Variants in MTBP observed in about 807,000 individuals in gnomAD.
MTBP encodes mdm2-binding protein.
A neutral mutation model predicts 117.0 loss-of-function variants in MTBP; 101 were observed. The ratio of observed to expected loss-of-function variants is 0.86; its 90% CI spans 0.73 to 1.02. The LOEUF (loss-of-function observed/expected upper bound fraction) is 1.02. Ranked by LOEUF, MTBP falls within the 50% of genes least tolerant of loss-of-function variation. The probability of loss-of-function intolerance (pLI) is 0.00; values close to 1 mark genes in which losing one functional copy is unlikely to be tolerated. For missense variants in MTBP, 970 were observed against 1,030.9 expected, an observed-to-expected ratio of 0.94 and a Z score of 0.81; for synonymous variants, 350 against 351.5, an observed-to-expected ratio of 1.00 and a Z score of 0.05.
At chr8:120,486,079 A>C (rs758512293) in intron 11 of MTBP, among the ~76,000 whole-genome samples, 2 of 152,048 alleles carry the variant, frequency 1.3e-5, no homozygotes, top group Non-Finnish European at 2.9e-5. Flanking sequence ...AATTTGATTC[A>C]TTTTTGTGGC....
intron 9 of MTBP, 21 bp downstream of exon 9, chr8:120,461,276 T>C: frequency 6.8e-7 from 1 of 1,463,218 alleles, no homozygotes; most frequent in Non-Finnish European, 9.6e-7. Flanking sequence ...ATTTACATGT[T>C]CATTTTAGAT....
At chr8:120,470,771 G>T (rs751122078) in intron 10 of MTBP, 49 bp from the exon 11 acceptor site, 2 of 1,347,428 alleles carry the variant, frequency 1.5e-6, no homozygotes, top group Non-Finnish European at 2.1e-6. Flanking sequence ...CACTATTCAA[G>T]AATGAATCTC....
At chr8:120,473,503 A>G (rs555296534) in intron 11 of MTBP, 5 of 152,178 alleles carry the variant, frequency 3.3e-5, no homozygotes, top group Non-Finnish European at 7.3e-5. Context: ...TGTGAAATTT[A>G]TACTCAAGTG....
Position 120,488,196 on chromosome 8 carries a change from T to C in MTBP, c.1203T>C (p.Tyr401=). 6.3e-7 allele frequency: 1 copy of C among 1,592,382 alleles called. No homozygotes were observed. The highest frequency in any genetic ancestry group is 2.3e-5 in the East Asian group (1 of 43,364). Reference sequence around the variant, plus strand: ...AAGTGAAAGGAGAGTGTTCTAGCTATTATCTCTTGTTACAAGGTAATGGCA... The same window carrying C: ...AAGTGAAAGGAGAGTGTTCTAGCTACTATCTCTTGTTACAAGGTAATGGCA... The part of the protein sequence containing the change: ...DVEVKGECSS[Y]YLLLQGNGNR... The change falls in exon 12 of 22, where the codon TAT becomes TAC. Residue 401 remains tyrosine (Y), a synonymous_variant. Coordinates refer to ENST00000305949, the MANE Select transcript of MTBP (RefSeq NM_022045.5).
chr8:120,523,306 C>G lies in MTBP; in HGVS notation c.2685C>G (p.Asp895Glu), dbSNP rs1815035704. Reference sequence around the variant, plus strand: ...ATTTTTTCTCCCCCTAGGTGATTGACTGGGTATTAGAAAAGACAAGCAAGA... The same window carrying G: ...ATTTTTTCTCCCCCTAGGTGATTGAGTGGGTATTAGAAAAGACAAGCAAGA... ...TANNNAVQVI[D>E]WVLEKTSKK The change falls in exon 22 of 22, where the codon GAC (aspartate) becomes GAG (glutamate). Residue 895 changes from aspartate to glutamate, a missense_variant. Asp to Glu is a conservative substitution (Grantham distance 45, BLOSUM62 2). Transcript: ENST00000305949. 1 of 1,554,014 alleles carries G rather than the reference C, an allele frequency of 6.4e-7. No individual in the cohort carries two copies. The highest frequency in any genetic ancestry group is 8.8e-7 in the Non-Finnish European group (1 of 1,142,296).
intron 12 of MTBP, 132 bp from the exon 13 acceptor site, chr8:120,490,331 G>C: frequency 1.7e-6 from 1 of 601,066 alleles, no homozygotes; most frequent in Non-Finnish European, 2.9e-6. Context: ...AAATATGTAA[G>C]GTCGAGAGAG....
At chr8:120,496,046 G>A (rs929100063) in intron 13 of MTBP, among the ~76,000 whole-genome samples, 1 of 152,176 alleles carries the variant, frequency 6.6e-6, no homozygotes, top group Non-Finnish European at 1.5e-5. Flanking sequence ...CTGTACTAAA[G>A]GATATGGCTT....
chr8:120,506,776 T>C lies in MTBP; in HGVS notation c.1798T>C (p.Leu600=), dbSNP rs1296103723. The C allele has an allele frequency of 6.2e-7, 1 of 1,613,474 alleles. No individual in the cohort carries two copies. Among genetic ancestry groups the C allele is most frequent in the African/African-American group, 1.3e-5 (1 of 74,888 alleles). Residue 600 remains leucine, a synonymous_variant, in exon 16 of 22, where the codon TTG becomes CTG. Transcript: ENST00000305949. ...HKEGPRDSIT[L]LDAKELLKYF... ...AGAGGGTCCTCGGGACTCAATCACA[T>C]TGTTGGATGCTAAAGAATTGCTGAA...
At chr8:120,500,441 T>C (rs1355060825) in intron 14 of MTBP, among the ~76,000 whole-genome samples, 2 of 152,206 alleles carry the variant, frequency 1.3e-5, no homozygotes, top group African/African-American at 2.4e-5. Flanking sequence ...TTTACTGTTA[T>C]TTAAGATTGC....
At chr8:120,482,856 C>A (rs770632811) in intron 11 of MTBP, among the ~76,000 whole-genome samples, 1 of 151,874 alleles carries the variant, frequency 6.6e-6, no homozygotes, top group Non-Finnish European at 1.5e-5. Context: ...CATGCCACCA[C>A]GCCCAGCTAA....
chr8:120,500,598 C>T (rs1348031102), intron 14 of MTBP, among the ~76,000 whole-genome samples: 1 of 152,104 alleles, frequency 6.6e-6, no homozygotes, highest in East Asian at 1.9e-4. Flanking sequence ...AGCATTTCAC[C>T]ACCTTTACTA....
At chr8:120,488,371 G>A (rs745910244) in intron 12 of MTBP, 39 bp downstream of exon 12, 2 of 1,431,564 alleles carry the variant, frequency 1.4e-6, no homozygotes, top group African/African-American at 1.5e-5. Flanking sequence ...TGTTTACATT[G>A]TTTGTGTGTG....
At position 120,523,101 on chromosome 8, in the gene MTBP, A is replaced by G. The variant is rs577594932; in HGVS notation, c.2677-197A>G. Among the ~76,000 whole-genome samples the G allele has an allele frequency of 7.9e-5, 12 of 152,304 alleles. No individual in the cohort carries two copies. The East Asian group carries it at 2.3e-3, about 29-fold the overall frequency. On this transcript the variant is annotated intron_variant, in intron 21 of 21. Coordinates refer to ENST00000305949, the MANE Select transcript of MTBP (RefSeq NM_022045.5). ...CTTCATTTCATCCAGTGAGAACATT[A>G]TTGTACTCAGTATTGGAAGTCCAAC...
At chr8:120,464,560 A>G (rs1283209731) in intron 10 of MTBP, among the ~76,000 whole-genome samples, 1 of 152,028 alleles carries the variant, frequency 6.6e-6, no homozygotes, top group Non-Finnish European at 1.5e-5. Flanking sequence ...TATGGTGCTA[A>G]AATCAAGTCT....
intron 10 of MTBP, among the ~76,000 whole-genome samples, chr8:120,466,869 G>A (rs963300299): frequency 4.6e-5 from 7 of 152,050 alleles, no homozygotes; most frequent in East Asian, 3.9e-4. Flanking sequence ...GCGAGACTCC[G>A]TCTCAAAAAA....
chr8:120,479,521 A>G (rs1224651308), intron 11 of MTBP, among the ~76,000 whole-genome samples: 1 of 152,216 alleles, frequency 6.6e-6, no homozygotes, highest in Non-Finnish European at 1.5e-5. Context: ...TTTATTGTAC[A>G]CTTAACTTTA....
intron 10 of MTBP, among the ~76,000 whole-genome samples, chr8:120,465,694 C>T (rs1297062165): frequency 7.5e-6 from 1 of 133,426 alleles, no homozygotes; most frequent in African/African-American, 2.9e-5. Flanking sequence ...GAGTCTCGCT[C>T]TGTCACCCAG....
intron 14 of MTBP, among the ~76,000 whole-genome samples, chr8:120,500,556 AT>A (rs771308366): frequency 6.6e-6 from 1 of 152,202 alleles, no homozygotes; most frequent in East Asian, 1.9e-4. Flanking sequence ...GCAGCATGTT[AT>A]TTTATTATAA....
In MTBP at chr8:120,455,532, A is replaced by G. The variant is rs1244729136; in HGVS notation, c.582A>G (p.Arg194=). Residue 194 remains arginine (R), a synonymous_variant, in exon 6 of 22, where the codon AGA becomes AGG. Transcript: ENST00000305949. The stretch of plus-strand genomic sequence containing the variant: ...CTGTAGGAGCATTAAAACATTTGAG[A>G]GAATGGTATTCAGCAAAGATCACTA... ...LPTVGALKHL[R]EWYSAKITIA... The G allele has an allele frequency of 6.2e-7, 1 of 1,609,874 alleles. No homozygotes were observed. Among genetic ancestry groups the G allele is most frequent in the East Asian group, 2.2e-5 (1 of 44,662 alleles).
Sources: gnomAD v4.1 joint callset for allele counts (sites outside exome capture counted in the v4.1 genomes callset) on GRCh38, gnomAD v4.1.1 for gene constraint, MANE v1.5 for transcripts, NCBI Gene and HGNC (gene_info 2026-07-23, HGNC 2026-07-21) for gene names.